Variants in ZZZ3 observed in about 807,000 individuals in gnomAD.
ZZZ3 encodes zinc finger ZZ-type containing 3.
Under a neutral mutation model 95.2 loss-of-function variants are expected in ZZZ3, and 22 were observed. The observed-to-expected ratio is 0.23, with a 90% CI of 0.17 to 0.33. The LOEUF is 0.33. ZZZ3 is among the 10% of genes least tolerant of loss of function. The pLI is 1.00. For synonymous variants in ZZZ3, 335 were observed against 358.9 expected (o/e 0.93, Z 0.75); for missense variants, 885 against 1,066.5 (o/e 0.83, Z 2.37).
intron 1 of ZZZ3, among the ~76,000 whole-genome samples, chr1:77,668,078 T>G (rs183657659): frequency 6.6e-6 from 1 of 152,294 alleles, no homozygotes; most frequent in Admixed American, 6.5e-5. Flanking sequence ...ATGGGTATCC[T>G]TGATATGTTT....
intron 9 of ZZZ3, 140 bp from the exon 10 acceptor site, chr1:77,579,768 A>C: frequency 2.1e-6 from 1 of 486,366 alleles, no homozygotes; most frequent in Admixed American, 4.1e-5. Context: ...AGAAATCCTC[A>C]TGGTAGGAAA....
chr1:77,572,071 TGTAA>T (rs1011386515), intron 12 of ZZZ3, among the ~76,000 whole-genome samples: 1 of 152,182 alleles, frequency 6.6e-6, no homozygotes, highest in African/African-American at 2.4e-5. Flanking sequence ...GTAAATAACA[TGTAA>T]GTAAGTGTTC....
chr1:77,634,720 A>G (rs1668139936), intron 4 of ZZZ3, among the ~76,000 whole-genome samples: 1 of 152,114 alleles, frequency 6.6e-6, no homozygotes, highest in African/African-American at 2.4e-5. Context: ...TATGACAGAA[A>G]TGTAAGGGAT....
rs1668626465 is a variant in ZZZ3 at position 77,639,978 on chromosome 1, A to G, written c.-205-376T>C. Among the ~76,000 whole-genome samples, 8 of 150,982 alleles carry G rather than the reference A, an allele frequency of 5.3e-5. No individual in the cohort carries two copies. The South Asian group carries it at 1.7e-3, about 32-fold the overall frequency. ...AACAGAATTTATAATATCATCTCGT[A>G]CTCTTGTCCTAGAGGACTTCCCAAA... On this transcript the variant is annotated intron_variant, in intron 3 of 14. Transcript: ENST00000370801.
At chr1:77,672,806 A>C (rs951933583) in intron 1 of ZZZ3, among the ~76,000 whole-genome samples, 2 of 152,238 alleles carry the variant, frequency 1.3e-5, no homozygotes, top group East Asian at 1.9e-4. Context: ...ATTCAAATTT[A>C]GAAGTAACTC....
chr1:77,646,340 C>T (rs1570598194), intron 1 of ZZZ3, among the ~76,000 whole-genome samples: 1 of 152,204 alleles, frequency 6.6e-6, no homozygotes, highest in East Asian at 1.9e-4. Context: ...CCCGCCTCAG[C>T]CTCCCAAGTA....
intron 1 of ZZZ3, among the ~76,000 whole-genome samples, chr1:77,658,804 A>ATT (rs1371702079): frequency 1.3e-5 from 2 of 152,156 alleles, no homozygotes; most frequent in African/African-American, 2.4e-5. Flanking sequence ...TGTACACTCT[A>ATT]TGTCTGCATT....
chr1:77,650,911 T>C (rs1669745881), intron 1 of ZZZ3, among the ~76,000 whole-genome samples: 2 of 152,170 alleles, frequency 1.3e-5, no homozygotes, highest in Non-Finnish European at 2.9e-5. Flanking sequence ...GATGGTTCTA[T>C]AGATATTTTC....
At chr1:77,572,493 C>G (rs764823740) in intron 12 of ZZZ3, among the ~76,000 whole-genome samples, 2 of 152,128 alleles carry the variant, frequency 1.3e-5, no homozygotes, top group African/African-American at 4.8e-5. Flanking sequence ...GCATGCACCA[C>G]CATACCTGGC....
chr1:77,581,959 C>A lies in ZZZ3; in HGVS notation c.1792+20G>T. The A allele has an allele frequency of 1.2e-6, 2 of 1,600,586 alleles. No homozygotes were observed. The highest frequency in any genetic ancestry group is 1.7e-6 in the Non-Finnish European group (2 of 1,169,720). ...TGCCAGATATTTTTCTACTTAAATT[C>A]TTATCATATGATTTCTTACCTTTAT... On this transcript the variant is annotated intron_variant, in intron 7 of 14. Coordinates refer to ENST00000370801, the MANE Select transcript of ZZZ3 (RefSeq NM_015534.6).
intron 5 of ZZZ3, among the ~76,000 whole-genome samples, chr1:77,585,327 T>A (rs748266210): frequency 6.6e-6 from 1 of 152,206 alleles, no homozygotes; most frequent in Non-Finnish European, 1.5e-5. Context: ...AACAAACATA[T>A]AGTTTTACCC....
At chr1:77,643,237 T>C (rs1668950595) in intron 1 of ZZZ3, among the ~76,000 whole-genome samples, 2 of 152,134 alleles carry the variant, frequency 1.3e-5, no homozygotes, top group Admixed American at 1.3e-4. Flanking sequence ...ACATCTCTTG[T>C]AACAAAAAAG....
chr1:77,606,774 G>A (rs573659920), intron 5 of ZZZ3, among the ~76,000 whole-genome samples: 1 of 152,274 alleles, frequency 6.6e-6, no homozygotes, highest in African/African-American at 2.4e-5. Context: ...ACTGGGCTTG[G>A]GATGCCCTCT....
chr1:77,581,182 T>C (rs1314965404), intron 8 of ZZZ3, 113 bp from the exon 9 acceptor site: 1 of 863,276 alleles, frequency 1.2e-6, no homozygotes, highest in Non-Finnish European at 1.9e-6. Context: ...AATATTTGAG[T>C]AAATTTGTTT....
At chr1:77,616,858 C>T (rs1298799516) in intron 5 of ZZZ3, among the ~76,000 whole-genome samples, 1 of 151,950 alleles carries the variant, frequency 6.6e-6, no homozygotes, top group Non-Finnish European at 1.5e-5. Flanking sequence ...CAGAGTGAGA[C>T]TTCGTCTCTA....
At chr1:77,595,444 G>A (rs1664127435) in intron 5 of ZZZ3, among the ~76,000 whole-genome samples, 1 of 151,938 alleles carries the variant, frequency 6.6e-6, no homozygotes, top group African/African-American at 2.4e-5. Context: ...GGCAAAAAGA[G>A]GTTAAGACAT....
rs1660538578 is a variant in ZZZ3 at position 77,562,951 on chromosome 1, A to G, written c.*2689T>C. Reference sequence around the variant, plus strand: ...TAACTATACGACCTTGGGCAGGTTAATTAACTTCTCTCTGGCGAGATTTCC... The same window carrying G: ...TAACTATACGACCTTGGGCAGGTTAGTTAACTTCTCTCTGGCGAGATTTCC... On this transcript the variant is annotated 3_prime_UTR_variant, in exon 15 of 15. Coordinates refer to ENST00000370801, the MANE Select transcript of ZZZ3 (RefSeq NM_015534.6). 1 of 152,286 alleles carries G rather than the reference A, an allele frequency of 6.6e-6. No individual in the cohort carries two copies. Among genetic ancestry groups the G allele is most frequent in the South Asian group, 2.1e-4 (1 of 4,830 alleles). 9.4% of individuals were successfully genotyped at this position (152,286 alleles called of 1,614,324 possible).
rs1660604369 is a variant in ZZZ3, at chr1:77,563,755, C to A, written c.*1885G>T. 6.6e-6 allele frequency: 1 copy of A among 152,106 alleles called. No individual in the cohort carries two copies. The highest frequency in any genetic ancestry group is 1.5e-5 in the Non-Finnish European group (1 of 68,008). The allele number at this position is 152,106 out of a possible 1,614,324, so 9.4% of individuals were successfully genotyped here. A position where few individuals can be genotyped will look rare whatever the true frequency, so the allele number is the denominator to read the frequency against. ...ACAAAACATTTAATATAAAAACGCCCAGAATGCTAATGATTCCCCTCTTCA... is the reference window on the plus strand; with the variant it reads ...ACAAAACATTTAATATAAAAACGCCAAGAATGCTAATGATTCCCCTCTTCA... On this transcript the variant is annotated 3_prime_UTR_variant, in exon 15 of 15. Coordinates refer to ENST00000370801, the MANE Select transcript of ZZZ3 (RefSeq NM_015534.6).
chr1:77,576,586 A>G (rs77822831), intron 11 of ZZZ3, among the ~76,000 whole-genome samples: 1 of 152,210 alleles, frequency 6.6e-6, no homozygotes, highest in Non-Finnish European at 1.5e-5. Flanking sequence ...TGCCAGACAT[A>G]AAACTATCCA....
Sources: gnomAD v4.1 joint callset for allele counts (sites outside exome capture counted in the v4.1 genomes callset) on GRCh38, gnomAD v4.1.1 for gene constraint, MANE v1.5 for transcripts, NCBI Gene and HGNC (gene_info 2026-07-23, HGNC 2026-07-21) for gene names.